ZNF385D: variants seen among roughly 807,000 people sequenced by gnomAD.
ZNF385D encodes the protein zinc finger protein 659.
In ZNF385D, 15 loss-of-function variants were observed where a neutral mutation model predicts 35.8. The observed-to-expected ratio is 0.42, with a 90% CI of 0.28 to 0.64. ZNF385D has a LOEUF of 0.64. Among genes scored for constraint, ZNF385D ranks in the 30% least tolerant of loss-of-function variants. The probability of loss-of-function intolerance (pLI) is 0.23; values close to 1 mark genes in which losing one functional copy is unlikely to be tolerated. For synonymous variants in ZNF385D, 212 were observed against 186.8 expected (o/e 1.13, Z -1.10); for missense variants, 474 against 494.6 (o/e 0.96, Z 0.39).
At chr3:22,331,549 G>A (rs866720635) in intron 2 of ZNF385D, among the ~76,000 whole-genome samples, 2 of 152,072 alleles carry the variant, frequency 1.3e-5, no homozygotes, top group Non-Finnish European at 2.9e-5. Flanking sequence ...TAACACCCAT[G>A]CTGTTATAAT....
intron 2 of ZNF385D, among the ~76,000 whole-genome samples, chr3:22,321,886 TGA>T (rs1694454028): frequency 6.6e-6 from 1 of 152,060 alleles, no homozygotes; most frequent in African/African-American, 2.4e-5. Context: ...CTCCCTTTAT[TGA>T]GTGTCTCAAT....
At chr3:21,654,890 C>T (rs551150170) in intron 2 of ZNF385D, among the ~76,000 whole-genome samples, 1 of 152,108 alleles carries the variant, frequency 6.6e-6, no homozygotes, top group Non-Finnish European at 1.5e-5. Flanking sequence ...GCAAAAAGTT[C>T]TCATTCCTTT....
chr3:21,562,891 A>AAT (rs3996216), intron 3 of ZNF385D, among the ~76,000 whole-genome samples: 106,459 of 151,854 alleles, frequency 0.7, 38,376 homozygotes, highest in African/African-American at 0.89. Context: ...CTTTATTGTT[A>AAT]AAATTAAGCA....
At chr3:21,814,271 T>C (rs986766304) in intron 3 of ZNF385D, among the ~76,000 whole-genome samples, 4 of 152,038 alleles carry the variant, frequency 2.6e-5, no homozygotes, top group Non-Finnish European at 5.9e-5. Flanking sequence ...ACCATCGATG[T>C]TAGGAAGAAA....
intron 2 of ZNF385D, among the ~76,000 whole-genome samples, chr3:22,286,407 G>A (rs1702026783): frequency 6.6e-6 from 1 of 151,594 alleles, no homozygotes; most frequent in Non-Finnish European, 1.5e-5. Flanking sequence ...ATTTATTTCT[G>A]CTCTGATCTT....
intron 3 of ZNF385D, among the ~76,000 whole-genome samples, chr3:21,948,097 C>T (rs1684486): frequency 0.86 from 131,057 of 152,036 alleles, 56,668 homozygotes; most frequent in East Asian, 0.98. Context: ...ATCTTTTTTT[C>T]CTGTCAATAT....
chr3:21,449,159 G>C (rs947365953), intron 4 of ZNF385D, among the ~76,000 whole-genome samples: 2 of 151,126 alleles, frequency 1.3e-5, no homozygotes, highest in Admixed American at 1.3e-4. Flanking sequence ...TATATTTTAC[G>C]GCAGAGTTAT....
intron 2 of ZNF385D, among the ~76,000 whole-genome samples, chr3:22,355,934 C>A (rs1696128479): frequency 6.6e-6 from 1 of 151,946 alleles, no homozygotes; most frequent in Admixed American, 6.6e-5. Flanking sequence ...AGCAAATAGA[C>A]ACATAACTCA....
At chr3:21,730,014 C>A (rs1480620162) in intron 1 of ZNF385D, among the ~76,000 whole-genome samples, 1 of 152,180 alleles carries the variant, frequency 6.6e-6, no homozygotes, top group Non-Finnish European at 1.5e-5. Flanking sequence ...TAATAGAATG[C>A]TACCATCTAA....
At chr3:22,229,933 G>A (rs915614466) in intron 2 of ZNF385D, among the ~76,000 whole-genome samples, 1 of 152,114 alleles carries the variant, frequency 6.6e-6, no homozygotes, top group African/African-American at 2.4e-5. Context: ...CCCATTTGTA[G>A]CGCATAATCC....
chr3:22,287,859 T>A (rs1473933207), intron 2 of ZNF385D, among the ~76,000 whole-genome samples: 3 of 152,086 alleles, frequency 2.0e-5, no homozygotes, highest in Non-Finnish European at 4.4e-5. Context: ...GTTTTATACA[T>A]TCACATGTTT....
At chr3:22,198,323 T>C (rs1696556608) in intron 2 of ZNF385D, among the ~76,000 whole-genome samples, 1 of 152,068 alleles carries the variant, frequency 6.6e-6, no homozygotes, top group Non-Finnish European at 1.5e-5. Flanking sequence ...CAACCACTGA[T>C]ATTTGCAGCA....
chr3:22,157,116 C>T (rs917931361), intron 3 of ZNF385D, among the ~76,000 whole-genome samples: 1 of 152,140 alleles, frequency 6.6e-6, no homozygotes, highest in Non-Finnish European at 1.5e-5. Flanking sequence ...CATGAATATG[C>T]GTGTGGACTC....
intron 2 of ZNF385D, among the ~76,000 whole-genome samples, chr3:21,610,286 CTA>C (rs1238998334): frequency 3.3e-5 from 5 of 152,072 alleles, no homozygotes; most frequent in Non-Finnish European, 5.9e-5. Context: ...AGATGTGACT[CTA>C]AAACTCTCCT....
chr3:21,763,737 T>C (rs2070716377), intron 3 of ZNF385D, among the ~76,000 whole-genome samples: 1 of 152,026 alleles, frequency 6.6e-6, no homozygotes, highest in African/African-American at 2.4e-5. Flanking sequence ...TGCTGAGAAA[T>C]ATGTAGCATC....
Position 22,246,949 on chromosome 3 carries a change from G to A in ZNF385D, c.107-77914C>T, listed in dbSNP as rs990621292. On this transcript the variant is annotated intron_variant, in intron 2 of 5. Transcript: ENST00000494108. ...TGTACCTTTTGTCAATCATACATAC[G>A]TGCACACACACAATTTCAATTTATA... Among the ~76,000 whole-genome samples the A allele has an allele frequency of 6.6e-5, 10 of 151,972 alleles. No individual in the cohort carries two copies. In the South Asian group the frequency reaches 8.3e-4, roughly 13 times the overall value.
At chr3:22,372,156 G>T (rs982167221) in intron 2 of ZNF385D, among the ~76,000 whole-genome samples, 1 of 151,970 alleles carries the variant, frequency 6.6e-6, no homozygotes, top group Non-Finnish European at 1.5e-5. Flanking sequence ...CTTGGTTCTC[G>T]GCAATGAGCT....
At chr3:22,270,324 T>C (rs920630282) in intron 2 of ZNF385D, among the ~76,000 whole-genome samples, 18 of 151,924 alleles carry the variant, frequency 1.2e-4, no homozygotes, top group African/African-American at 3.6e-4. Context: ...CTTTGGAAAA[T>C]TGAAGCTATC....
At chr3:22,310,195 G>A (rs1703462179) in intron 2 of ZNF385D, among the ~76,000 whole-genome samples, 1 of 151,950 alleles carries the variant, frequency 6.6e-6, no homozygotes, top group African/African-American at 2.4e-5. Flanking sequence ...ACCATTTCCT[G>A]GATTTGCATT....
Sources: allele counts gnomAD v4.1 joint callset (sites outside exome capture counted in the v4.1 genomes callset), GRCh38; gene constraint gnomAD v4.1.1; transcripts MANE v1.5; gene names NCBI Gene and HGNC (gene_info 2026-07-23, HGNC 2026-07-21).